Variants in NRG1 observed in about 807,000 individuals in gnomAD.
NRG1 encodes pro-neuregulin-1, membrane-bound isoform.
Under a neutral mutation model 63.8 loss-of-function variants are expected in NRG1, and 18 were observed. The observed-to-expected ratio is 0.28, with a 90% CI of 0.19 to 0.42. The LOEUF (loss-of-function observed/expected upper bound fraction) is 0.42. NRG1 is among the 10% of genes least tolerant of loss of function. NRG1 has a pLI of 1.00. For missense variants in NRG1, 762 were observed against 814.7 expected, an observed-to-expected ratio of 0.94 and a Z score of 0.79; for synonymous variants, 302 against 301.3, an observed-to-expected ratio of 1.00 and a Z score of -0.02.
intron 1 of NRG1, among the ~76,000 whole-genome samples, chr8:32,075,651 C>CTTT (rs200354474): frequency 2.0e-5 from 3 of 150,296 alleles, no homozygotes; most frequent in African/African-American, 7.5e-5. Flanking sequence ...ATATTTTAAC[C>CTTT]TTTTTTTTTT....
intron 1 of NRG1, among the ~76,000 whole-genome samples, chr8:32,350,023 A>G (rs1276858460): frequency 2.0e-5 from 3 of 152,176 alleles, no homozygotes; most frequent in Admixed American, 2.0e-4. Context: ...GGGATCAAAC[A>G]TTCCAACACA....
intron 1 of NRG1, among the ~76,000 whole-genome samples, chr8:32,472,015 C>G (rs956783003): frequency 1.3e-5 from 2 of 152,176 alleles, no homozygotes; most frequent in African/African-American, 4.8e-5. Flanking sequence ...CACTCTCTCC[C>G]TCACAACCAC....
intron 1 of NRG1, among the ~76,000 whole-genome samples, chr8:32,316,504 T>C (rs1225765863): frequency 6.6e-6 from 1 of 151,214 alleles, no homozygotes; most frequent in East Asian, 1.9e-4. Flanking sequence ...ATCCTAAGGA[T>C]TCCTGGTTCC....
intron 1 of NRG1, among the ~76,000 whole-genome samples, chr8:32,550,381 C>T (rs1443431378): frequency 6.6e-6 from 1 of 152,172 alleles, no homozygotes; most frequent in Non-Finnish European, 1.5e-5. Context: ...CATCATAGTA[C>T]ATTACGGAGA....
At chr8:32,754,331 G>C (rs770443051) in intron 7 of NRG1, 41 bp from the exon 8 acceptor site, 1 of 1,582,506 alleles carries the variant, frequency 6.3e-7, no homozygotes, top group Non-Finnish European at 8.7e-7. Flanking sequence ...CCTGGCAAGT[G>C]GAAGTGACCT....
At chr8:32,102,222 C>T (rs915636189) in intron 1 of NRG1, among the ~76,000 whole-genome samples, 1 of 152,182 alleles carries the variant, frequency 6.6e-6, no homozygotes, top group Non-Finnish European at 1.5e-5. Flanking sequence ...ATTGTAGCCT[C>T]GACCTCTCAG....
At chr8:32,237,490 G>GT (rs923355783) in intron 1 of NRG1, among the ~76,000 whole-genome samples, 23 of 150,924 alleles carry the variant, frequency 1.5e-4, no homozygotes, top group East Asian at 1.4e-3. Context: ...GCATTTGAGG[G>GT]TTTTTTTTTC....
chr8:32,151,754 C>G (rs1046845586), intron 1 of NRG1, among the ~76,000 whole-genome samples: 4 of 152,154 alleles, frequency 2.6e-5, no homozygotes, highest in African/African-American at 7.2e-5. Flanking sequence ...GATCTAGAGC[C>G]AAGCTGTATT....
At chr8:32,284,986 C>T (rs539087263) in intron 1 of NRG1, among the ~76,000 whole-genome samples, 1 of 152,168 alleles carries the variant, frequency 6.6e-6, no homozygotes, top group Non-Finnish European at 1.5e-5. Flanking sequence ...TCCTTTGCAC[C>T]TGAAGCACTT....
chr8:32,169,141 A>C (rs1839722130), intron 1 of NRG1, among the ~76,000 whole-genome samples: 1 of 152,182 alleles, frequency 6.6e-6, no homozygotes, highest in African/African-American at 2.4e-5. Flanking sequence ...TGGGTACATC[A>C]CACACCCATC....
intron 1 of NRG1, among the ~76,000 whole-genome samples, chr8:31,698,929 T>C (rs62506915): frequency 0.16 from 24,064 of 152,234 alleles, 2,556 homozygotes; most frequent in Non-Finnish European, 0.23. Context: ...CTGTGAAAGC[T>C]CAGATTCCTG....
At chr8:31,697,712 C>A (rs1323740182) in intron 1 of NRG1, among the ~76,000 whole-genome samples, 3 of 152,160 alleles carry the variant, frequency 2.0e-5, no homozygotes, top group Non-Finnish European at 2.9e-5. Flanking sequence ...ATACAACACT[C>A]CTGGAGTCTT....
In NRG1 at chr8:32,230,689, T is replaced by C. The variant is rs929185995; in HGVS notation, c.38-365139T>C. On this transcript the variant is annotated intron_variant, in intron 1 of 10. Coordinates refer to the NRG1 transcript ENST00000519301. ...ATGGAAGAAAAAACAAGAGTATAAA[T>C]GAAGTGTCAAAGATGTTAAGAAACA... Among the ~76,000 whole-genome samples, 30 of 152,232 alleles carry C rather than the reference T, an allele frequency of 2.0e-4. 1 individual carries two copies. In the East Asian group the frequency reaches 5.8e-3, roughly 29 times the overall value.
At chr8:32,356,478 C>A (rs1381923735) in intron 1 of NRG1, among the ~76,000 whole-genome samples, 2 of 121,302 alleles carry the variant, frequency 1.6e-5, no homozygotes, top group African/African-American at 3.1e-5. Flanking sequence ...GTTGGGACCC[C>A]CCCCCCACCC....
rs951226589 is a variant in NRG1 at position 32,589,340 on chromosome 8, A to G, written c.101-6488A>G. Among the ~76,000 whole-genome samples, 6 of 152,344 alleles carry G rather than the reference A, an allele frequency of 3.9e-5. 1 individual carries two copies. Among genetic ancestry groups the G allele is most frequent in the Middle Eastern group, 6.8e-3 (2 of 294 alleles). On this transcript the variant is annotated intron_variant, in intron 1 of 11. Transcript: ENST00000356819. ...TAATTTATCTACTTCTAACATGACT[A>G]TTAACAAAAGGACATCCTGCATAGA...
rs532586696 is a variant in NRG1, at chr8:32,377,984, T to C, written c.38-217844T>C. On this transcript the variant is annotated intron_variant, in intron 1 of 10. Transcript: ENST00000519301. ...CAGATTTATATTTTGAAATGAGCAC[T>C]CTGAATATATTCTAGAAATTGTATT... 3.3e-5 allele frequency among the ~76,000 whole-genome samples: 5 copies of C among 152,314 alleles called. No individual in the cohort carries two copies. In the South Asian group the frequency reaches 1.0e-3, roughly 32 times the overall value.
chr8:31,810,079 G>A (rs1049624197), intron 1 of NRG1, among the ~76,000 whole-genome samples: 1 of 152,002 alleles, frequency 6.6e-6, no homozygotes, highest in African/African-American at 2.4e-5. Flanking sequence ...GATTCATCCT[G>A]ATACCTTTCT....
chr8:32,032,381 A>G (rs1158986378), intron 1 of NRG1, among the ~76,000 whole-genome samples: 1 of 152,040 alleles, frequency 6.6e-6, no homozygotes, highest in African/African-American at 2.4e-5. Flanking sequence ...CTCCTGCCTC[A>G]GCCTCCGAAG....
intron 1 of NRG1, among the ~76,000 whole-genome samples, chr8:32,323,804 G>C (rs943419901): frequency 6.6e-6 from 1 of 152,200 alleles, no homozygotes; most frequent in South Asian, 2.1e-4. Flanking sequence ...TGAGCAGATG[G>C]GTGGCAGACA....
Sources: allele counts gnomAD v4.1 joint callset (sites outside exome capture counted in the v4.1 genomes callset), GRCh38; gene constraint gnomAD v4.1.1; transcripts MANE v1.5; gene names NCBI Gene and HGNC (gene_info 2026-07-23, HGNC 2026-07-21).